The following NFIX variants were observed in gnomAD, a reference collection of about 807,000 sequenced individuals.
NFIX encodes nuclear factor 1 X-type.
Under a neutral mutation model 53.3 loss-of-function variants are expected in NFIX, and 2 were observed. The ratio of observed to expected loss-of-function variants is 0.04; its 90% CI spans 0.02 to 0.12. The LOEUF (loss-of-function observed/expected upper bound fraction) is 0.12. Ranked by LOEUF, NFIX falls within the 10% of genes least tolerant of loss-of-function variation. The pLI is 1.00. For missense variants in NFIX, 310 were observed against 674.5 expected, an observed-to-expected ratio of 0.46 and a Z score of 5.99; for synonymous variants, 244 against 289.0, an observed-to-expected ratio of 0.84 and a Z score of 1.58.
chr19:13,062,135 C>G (rs1373650718), intron 2 of NFIX, among the ~76,000 whole-genome samples: 1 of 152,190 alleles, frequency 6.6e-6, no homozygotes, highest in Non-Finnish European at 1.5e-5. Flanking sequence ...GCTCTGCCTT[C>G]CCCTGCTGTG....
In NFIX at chr19:13,006,801, C is replaced by G. The variant is rs930957430; in HGVS notation, c.27+10937C>G. Among the ~76,000 whole-genome samples the G allele has an allele frequency of 5.9e-5, 9 of 152,216 alleles. No individual in the cohort carries two copies. The highest frequency in any genetic ancestry group is 3.9e-4 in the Admixed American group (6 of 15,292). ...TTGAGAGCTCTGGGCTGGGGCCCGG[C>G]GGGGTCGGCACTGCAGGCTGGCAAC... On this transcript the variant is annotated intron_variant, in intron 1 of 10. Coordinates refer to ENST00000592199, the MANE Select transcript of NFIX (RefSeq NM_001365902.3). This position sits in a 1 kb window ranked among gnomAD's most constrained non-coding sequence, Gnocchi z 5.6.
intron 1 of NFIX, among the ~76,000 whole-genome samples, chr19:13,017,938 C>T (rs1261384668): frequency 2.0e-5 from 3 of 152,350 alleles, no homozygotes. Context: ...TTCCCTTGCC[C>T]CCGGAAGCCC....
intron 2 of NFIX, among the ~76,000 whole-genome samples, chr19:13,071,979 C>T (rs2016802423): frequency 1.3e-5 from 2 of 152,220 alleles, no homozygotes; most frequent in African/African-American, 4.8e-5. Context: ...GGTGGCGAGA[C>T]CCAGGAGGCA....
At chr19:13,074,819 C>G (rs537858638) in intron 5 of NFIX, among the ~76,000 whole-genome samples, 103 of 151,294 alleles carry the variant, frequency 6.8e-4, no homozygotes, top group African/African-American at 2.4e-3. Flanking sequence ...CCTGTAATCC[C>G]AGCACTTTGG....
chr19:12,999,686 T>C (rs1162746119), intron 1 of NFIX, among the ~76,000 whole-genome samples: 1 of 152,096 alleles, frequency 6.6e-6, no homozygotes, highest in Non-Finnish European at 1.5e-5. Context: ...CAGCCGAACG[T>C]TCCTGTACTT....
At chr19:13,023,949 C>T in intron 1 of NFIX, 1 of 654,054 alleles carries the variant, frequency 1.5e-6, no homozygotes, top group East Asian at 4.4e-5. Flanking sequence ...CTCCCCCCTC[C>T]CCCCACCCGC....
In NFIX at chr19:13,073,386, C is replaced by A; in HGVS notation, c.623-36C>A. ...AAATAGCCAGGCAGCCCCCTTCTGG[C>A]CTTGTCTTGACTCACTCATCCTTTC... On this transcript the variant is annotated intron_variant, in intron 3 of 10. Coordinates refer to ENST00000592199, the MANE Select transcript of NFIX (RefSeq NM_001365902.3). This position sits in a 1 kb window ranked among gnomAD's most constrained non-coding sequence, Gnocchi z 4.5. 1 of 1,568,158 alleles carries A rather than the reference C, an allele frequency of 6.4e-7. No individual in the cohort carries two copies. Among genetic ancestry groups the A allele is most frequent in the Non-Finnish European group, 8.8e-7 (1 of 1,138,048 alleles).
intron 5 of NFIX, 86 bp downstream of exon 5, chr19:13,074,112 C>G (rs1182526626): frequency 1.9e-6 from 3 of 1,557,542 alleles, no homozygotes; most frequent in Non-Finnish European, 2.6e-6. Context: ...AGCTGTGTCA[C>G]TGAGGCTAGG....
At chr19:13,034,027 C>A (rs988899589) in intron 2 of NFIX, among the ~76,000 whole-genome samples, 7 of 152,218 alleles carry the variant, frequency 4.6e-5, no homozygotes, top group African/African-American at 7.2e-5. Flanking sequence ...ACAGGGGACT[C>A]TGGTCACATG....
rs978611401 is a variant in NFIX, at chr19:13,002,394, C to T, written c.27+6530C>T. Among the ~76,000 whole-genome samples, 1 of 152,128 alleles carries T rather than the reference C, an allele frequency of 6.6e-6. No individual in the cohort carries two copies. Among genetic ancestry groups the T allele is most frequent in the South Asian group, 2.1e-4 (1 of 4,834 alleles). On this transcript the variant is annotated intron_variant, in intron 1 of 10. Coordinates refer to ENST00000592199, the MANE Select transcript of NFIX (RefSeq NM_001365902.3). The surrounding 1 kb of genome is among the most constrained non-coding windows in gnomAD (Gnocchi z 6.1). ...CCAACCCCCCCTTCCTCACCACCTC[C>T]CCCCTCCCGAGGAGCCCCTCTGAGG...
chr19:13,004,241 C>G (rs138172440), intron 1 of NFIX, among the ~76,000 whole-genome samples: 1 of 152,170 alleles, frequency 6.6e-6, no homozygotes, highest in Admixed American at 6.5e-5. Context: ...CATGCATCCC[C>G]AGATACACAG....
chr19:13,041,907 T>C (rs987549388), intron 2 of NFIX, among the ~76,000 whole-genome samples: 1 of 152,114 alleles, frequency 6.6e-6, no homozygotes, highest in Non-Finnish European at 1.5e-5. Flanking sequence ...TGTTTGTTTG[T>C]TAGTTTTTGA....
At chr19:13,024,148 A>C (rs1599735368) in intron 1 of NFIX, 1 of 771,440 alleles carries the variant, frequency 1.3e-6, no homozygotes, top group Non-Finnish European at 2.0e-6. Flanking sequence ...AAACCGAGAG[A>C]GCCCATCCTT....
At chr19:13,031,889 C>T (rs2013837575) in intron 2 of NFIX, among the ~76,000 whole-genome samples, 1 of 152,138 alleles carries the variant, frequency 6.6e-6, no homozygotes, top group African/African-American at 2.4e-5. Flanking sequence ...AGAGAGGGGA[C>T]AGCTGAGTGT....
intron 8 of NFIX, among the ~76,000 whole-genome samples, chr19:13,085,937 GA>G (rs996596990): frequency 5.3e-5 from 8 of 152,216 alleles, no homozygotes; most frequent in Non-Finnish European, 1.5e-5. Flanking sequence ...AGGGATGGGG[GA>G]GTGGCCTGTT....
chr19:13,007,123 T>A (rs1230293844), intron 1 of NFIX, among the ~76,000 whole-genome samples: 1 of 151,426 alleles, frequency 6.6e-6, no homozygotes, highest in Non-Finnish European at 1.5e-5. Flanking sequence ...CCTCCCTTCC[T>A]CCCCCTCTCG....
chr19:13,015,291 T>C (rs1422769467), intron 1 of NFIX, among the ~76,000 whole-genome samples: 1 of 152,198 alleles, frequency 6.6e-6, no homozygotes, highest in Non-Finnish European at 1.5e-5. Context: ...TTTAAAATTA[T>C]AAAGTAAATT....
chr19:13,047,689 G>T (rs2015073311), intron 2 of NFIX, among the ~76,000 whole-genome samples: 1 of 152,182 alleles, frequency 6.6e-6, no homozygotes. Flanking sequence ...AGGAGGCCAT[G>T]GGGAGGAGAC....
chr19:13,042,352 A>G (rs978976617), intron 2 of NFIX, among the ~76,000 whole-genome samples: 10 of 118,070 alleles, frequency 8.5e-5, no homozygotes, highest in Non-Finnish European at 1.2e-4. Flanking sequence ...ATGCTTTTAC[A>G]TGCTTTTTTT....
Sources: allele counts gnomAD v4.1 joint callset (sites outside exome capture counted in the v4.1 genomes callset), GRCh38; gene constraint gnomAD v4.1.1; non-coding constraint Gnocchi (gnomAD v3.1); transcripts MANE v1.5; gene names NCBI Gene and HGNC (gene_info 2026-07-23, HGNC 2026-07-21).